Variants in CTNNA3 observed in about 807,000 individuals in gnomAD.
CTNNA3 encodes catenin alpha 3.
CTNNA3 carries 76 observed loss-of-function variants against 95.7 expected under a neutral mutation model. That is an observed-to-expected ratio of 0.79 (90% CI 0.66 to 0.96). The LOEUF is 0.96. Among genes scored for constraint, CTNNA3 ranks in the 40% least tolerant of loss-of-function variants. The pLI, the probability that CTNNA3 is intolerant of heterozygous loss-of-function variation, is 0.00. For missense variants in CTNNA3, 1,191 were observed against 1,089.8 expected (o/e 1.09, Z -1.31); for synonymous variants, 431 against 374.4 (o/e 1.15, Z -1.74).
intron 13 of CTNNA3, among the ~76,000 whole-genome samples, chr10:66,134,945 T>C (rs1735038235): frequency 6.6e-6 from 1 of 152,150 alleles, no homozygotes; most frequent in Non-Finnish European, 1.5e-5. Context: ...GAACTTTACA[T>C]GGTAATGGTA....
At chr10:67,680,983 G>A (rs1170713096) in intron 1 of CTNNA3, among the ~76,000 whole-genome samples, 1 of 152,132 alleles carries the variant, frequency 6.6e-6, no homozygotes, top group Non-Finnish European at 1.5e-5. Flanking sequence ...ATGATGGAAG[G>A]AAAGAGACCG....
chr10:66,450,769 C>T (rs1288745155), intron 11 of CTNNA3, among the ~76,000 whole-genome samples: 4 of 152,138 alleles, frequency 2.6e-5, no homozygotes, highest in East Asian at 1.9e-4. Flanking sequence ...TTACTTTGCT[C>T]CAACTTATTA....
intron 11 of CTNNA3, among the ~76,000 whole-genome samples, chr10:66,386,917 C>T (rs560845216): frequency 1.3e-5 from 2 of 152,248 alleles, no homozygotes; most frequent in African/African-American, 4.8e-5. Flanking sequence ...CACTGGATCC[C>T]TTCCTTACAC....
intron 1 of CTNNA3, among the ~76,000 whole-genome samples, chr10:67,763,130 T>C (rs762098235): frequency 6.6e-6 from 1 of 152,196 alleles, no homozygotes; most frequent in Non-Finnish European, 1.5e-5. Context: ...AAAAATGTAG[T>C]TCTTGGACAA....
chr10:66,079,382 T>C (rs1648354749), intron 14 of CTNNA3: 1 of 152,004 alleles, frequency 6.6e-6, no homozygotes, highest in African/African-American at 2.4e-5. Context: ...AATCTTATTA[T>C]ATGAATTTTA....
intron 3 of CTNNA3, among the ~76,000 whole-genome samples, chr10:67,570,576 A>G (rs1293482849): frequency 6.6e-6 from 1 of 152,112 alleles, no homozygotes; most frequent in Admixed American, 6.6e-5. Context: ...TGTGGACAAC[A>G]TTACTGCTGT....
At chr10:67,017,855 C>T (rs925306547) in intron 7 of CTNNA3, among the ~76,000 whole-genome samples, 19 of 152,024 alleles carry the variant, frequency 1.2e-4, no homozygotes, top group Non-Finnish European at 1.2e-4. Flanking sequence ...CTGCAACCTC[C>T]GCCTCCAGGG....
At chr10:66,802,709 C>T (rs1841477562) in intron 7 of CTNNA3, among the ~76,000 whole-genome samples, 1 of 150,730 alleles carries the variant, frequency 6.6e-6, no homozygotes, top group Admixed American at 6.7e-5. Flanking sequence ...TCATAATAGC[C>T]CCAAACCGAA....
At chr10:67,289,331 G>A (rs890133495) in intron 5 of CTNNA3, among the ~76,000 whole-genome samples, 1 of 152,062 alleles carries the variant, frequency 6.6e-6, no homozygotes, top group Non-Finnish European at 1.5e-5. Context: ...AAGTTTTAAA[G>A]TACATCAAAC....
At chr10:67,233,869 G>C (rs1377786822) in intron 5 of CTNNA3, among the ~76,000 whole-genome samples, 1 of 152,176 alleles carries the variant, frequency 6.6e-6, no homozygotes, top group Non-Finnish European at 1.5e-5. Context: ...TACCATCAGA[G>C]AATACTACAA....
At chr10:66,428,057 G>A (rs2093258668) in intron 11 of CTNNA3, among the ~76,000 whole-genome samples, 1 of 152,062 alleles carries the variant, frequency 6.6e-6, no homozygotes, top group Non-Finnish European at 1.5e-5. Context: ...GATGGAGGAA[G>A]ATCTATCAAG....
chr10:67,547,122 T>C (rs541423503), intron 3 of CTNNA3, among the ~76,000 whole-genome samples: 1 of 152,304 alleles, frequency 6.6e-6, no homozygotes, highest in Admixed American at 6.5e-5. Context: ...ACCACTTCAA[T>C]GAGAAGATTC....
At chr10:66,107,134 A>T (rs1437507136) in intron 13 of CTNNA3, among the ~76,000 whole-genome samples, 1 of 152,190 alleles carries the variant, frequency 6.6e-6, no homozygotes, top group African/African-American at 2.4e-5. Flanking sequence ...GTCTTCTTTA[A>T]GCTGGGCTGT....
intron 3 of CTNNA3, among the ~76,000 whole-genome samples, chr10:67,549,744 A>T (rs1840959065): frequency 6.6e-6 from 1 of 152,242 alleles, no homozygotes; most frequent in African/African-American, 2.4e-5. Flanking sequence ...ATTTTATGAC[A>T]TGAAAAATTA....
chr10:67,195,230 T>A (rs1244685433), intron 6 of CTNNA3, among the ~76,000 whole-genome samples: 2 of 152,088 alleles, frequency 1.3e-5, no homozygotes, highest in African/African-American at 2.4e-5. Flanking sequence ...AGGTAAATTA[T>A]GAAAATGTTT....
At chr10:66,773,607 C>A (rs903880653) in intron 8 of CTNNA3, among the ~76,000 whole-genome samples, 1 of 152,170 alleles carries the variant, frequency 6.6e-6, no homozygotes, top group Admixed American at 6.5e-5. Flanking sequence ...CAGAAAATGG[C>A]CCCGCTGACG....
intron 9 of CTNNA3, among the ~76,000 whole-genome samples, chr10:66,636,924 C>T (rs887756221): frequency 6.6e-6 from 1 of 152,058 alleles, no homozygotes; most frequent in African/African-American, 2.4e-5. Flanking sequence ...ACGAGTAAAA[C>T]ACTAAATGCT....
intron 7 of CTNNA3, among the ~76,000 whole-genome samples, chr10:67,045,358 G>A (rs575517609): frequency 1.3e-5 from 2 of 152,026 alleles, no homozygotes; most frequent in South Asian, 4.1e-4. Context: ...AAACCCTGGA[G>A]GTCACCAAAT....
At chr10:67,611,538 G>A (rs1308710639) in intron 2 of CTNNA3, among the ~76,000 whole-genome samples, 2 of 151,744 alleles carry the variant, frequency 1.3e-5, no homozygotes, top group Non-Finnish European at 2.9e-5. Flanking sequence ...GGATGGTCTC[G>A]ATCTCCTGAC....
Sources: gnomAD v4.1 joint callset for allele counts (sites outside exome capture counted in the v4.1 genomes callset) on GRCh38, gnomAD v4.1.1 for gene constraint, MANE v1.5 for transcripts, NCBI Gene and HGNC (gene_info 2026-07-23, HGNC 2026-07-21) for gene names.